Variants in PCBP3 observed in about 807,000 individuals in gnomAD.
The protein encoded by PCBP3 is poly(rC) binding protein 3, also known as poly(rC)-binding protein 3.
In PCBP3, 25 loss-of-function variants were observed where a neutral mutation model predicts 52.7. That is an observed-to-expected ratio of 0.47 (90% CI 0.35 to 0.66). The LOEUF (loss-of-function observed/expected upper bound fraction) is 0.66, where lower values mean the gene tolerates loss of function less well. PCBP3 is among the 30% of genes least tolerant of loss of function. The pLI, the probability that PCBP3 is intolerant of heterozygous loss-of-function variation, is 0.01. For synonymous variants in PCBP3, 162 were observed against 183.0 expected, an observed-to-expected ratio of 0.89 and a Z score of 0.93; for missense variants, 391 against 490.3, an observed-to-expected ratio of 0.80 and a Z score of 1.91.
At chr21:45,672,268 T>C (rs763247375) in intron 2 of PCBP3, among the ~76,000 whole-genome samples, 3 of 152,156 alleles carry the variant, frequency 2.0e-5, no homozygotes, top group Non-Finnish European at 4.4e-5. Flanking sequence ...TCCTTGACCT[T>C]AGACTTCTCA....
intron 5 of PCBP3, among the ~76,000 whole-genome samples, chr21:45,892,082 A>C (rs13048129): frequency 2.0e-5 from 3 of 152,004 alleles, no homozygotes; most frequent in East Asian, 1.9e-4. Context: ...AATGGAGTCC[A>C]CCCTCGGGAG....
chr21:45,935,143 C>T (rs906304430), intron 15 of PCBP3, 110 bp from the exon 16 acceptor site: 5 of 733,238 alleles, frequency 6.8e-6, no homozygotes, highest in Non-Finnish European at 1.2e-5. Flanking sequence ...CACACTTGGG[C>T]CAGCTCTACA....
chr21:45,786,224 C>G (rs1180996128), intron 4 of PCBP3, among the ~76,000 whole-genome samples: 1 of 150,860 alleles, frequency 6.6e-6, no homozygotes, highest in Non-Finnish European at 1.5e-5. Flanking sequence ...TGCCAGTGAG[C>G]TCTGCATAAC....
chr21:45,789,311 GGTGA>G (rs751691121), intron 4 of PCBP3, among the ~76,000 whole-genome samples: 30 of 152,340 alleles, frequency 2.0e-4, no homozygotes, highest in East Asian at 5.8e-4. Flanking sequence ...TGTGTGCGAG[GGTGA>G]GTGTGTGCAT....
chr21:45,815,928 GGTGAGTGAGT>G, intron 4 of PCBP3, among the ~76,000 whole-genome samples: 1 of 121,322 alleles, frequency 8.2e-6, no homozygotes, highest in East Asian at 2.7e-4. Flanking sequence ...ATGAGTGAGT[GGTGAGTGAGT>G]GGTGAGTGAT....
chr21:45,874,848 C>A (rs1233717984), intron 5 of PCBP3, among the ~76,000 whole-genome samples: 2 of 152,196 alleles, frequency 1.3e-5, no homozygotes, highest in African/African-American at 4.8e-5. Context: ...TTTCGCTGCC[C>A]GTGTCCCCTG....
chr21:45,888,689 T>C (rs2095580666), intron 5 of PCBP3, among the ~76,000 whole-genome samples: 1 of 152,284 alleles, frequency 6.6e-6, no homozygotes, highest in South Asian at 2.1e-4. Context: ...CTTAAATCCC[T>C]GGTGGGTTTT....
intron 1 of PCBP3, among the ~76,000 whole-genome samples, chr21:45,666,380 G>A (rs2080796440): frequency 7.1e-6 from 1 of 141,170 alleles, no homozygotes; most frequent in Non-Finnish European, 1.5e-5. Flanking sequence ...TAGGAGGAAA[G>A]GGTTACAAAC....
At position 45,736,819 on chromosome 21, in the gene PCBP3, G is replaced by T. The variant is rs115144163; in HGVS notation, c.-162+1390G>T. On this transcript the variant is annotated intron_variant, in intron 3 of 17. Transcript: ENST00000681687. This position sits in a 1 kb window ranked among gnomAD's most constrained non-coding sequence, Gnocchi z 4.6. ...CAGAATCCTGACATCCTTGTGGGGG[G>T]ATCGAAAACATAAATCTAGTCAGTG... 6.6e-6 allele frequency among the ~76,000 whole-genome samples: 1 copy of T among 152,192 alleles called. No individual in the cohort carries two copies. Among genetic ancestry groups the T allele is most frequent in the Non-Finnish European group, 1.5e-5 (1 of 68,038 alleles).
At chr21:45,764,671 C>G (rs2145606820) in intron 4 of PCBP3, among the ~76,000 whole-genome samples, 1 of 152,302 alleles carries the variant, frequency 6.6e-6, no homozygotes, top group African/African-American at 2.4e-5. Flanking sequence ...AGGAGTACAC[C>G]TGGGGTACAT....
chr21:45,730,635 G>A (rs2085385217), intron 2 of PCBP3, among the ~76,000 whole-genome samples: 1 of 152,154 alleles, frequency 6.6e-6, no homozygotes, highest in African/African-American at 2.4e-5. Flanking sequence ...AAAGAGAAGT[G>A]TAGAAAGCTT....
rs2086450718 is a variant in PCBP3, at chr21:45,741,556, G to A, written c.-162+6127G>A. Among the ~76,000 whole-genome samples, 2 of 152,140 alleles carry A rather than the reference G, an allele frequency of 1.3e-5. No individual in the cohort carries two copies. Among genetic ancestry groups the A allele is most frequent in the Non-Finnish European group, 2.9e-5 (2 of 68,026 alleles). ...AAAGAAATGCCAAAAGAGGCTAAGA[G>A]CTCAGGGAAGGATTGTGATGTAGGG... On this transcript the variant is annotated intron_variant, in intron 3 of 17. Transcript: ENST00000681687. The surrounding 1 kb of genome is among the most constrained non-coding windows in gnomAD (Gnocchi z 4.5).
intron 5 of PCBP3, among the ~76,000 whole-genome samples, chr21:45,857,729 G>T (rs529814519): frequency 1.3e-5 from 2 of 152,258 alleles, no homozygotes; most frequent in East Asian, 1.9e-4. Context: ...CTCACATTTG[G>T]CTCAGAGTAA....
chr21:45,908,294 G>A (rs1036834762), intron 9 of PCBP3, among the ~76,000 whole-genome samples: 3 of 152,108 alleles, frequency 2.0e-5, no homozygotes, highest in Non-Finnish European at 2.9e-5. Flanking sequence ...TTTAGTGTCC[G>A]TGCCTGTGCC....
chr21:45,865,854 GGT>G (rs938275636), intron 5 of PCBP3, among the ~76,000 whole-genome samples: 2 of 152,176 alleles, frequency 1.3e-5, no homozygotes, highest in African/African-American at 4.8e-5. Context: ...GCGGGCTCAG[GGT>G]GTGCACCCCC....
chr21:45,901,028 A>G lies in PCBP3; in HGVS notation c.254A>G (p.Asn85Ser). 1 of 1,613,938 alleles carries G rather than the reference A, an allele frequency of 6.2e-7. No individual in the cohort carries two copies. Among genetic ancestry groups the G allele is most frequent in the Non-Finnish European group, 8.5e-7 (1 of 1,179,828 alleles). The change falls in exon 9 of 18, where the codon AAC becomes AGC. Residue 85 changes from asparagine to serine, a missense_variant. Transcript: ENST00000681687. ...GCAAGGATCAACATCTCAGAGGGAAACTGCCCAGAGAGGATTGTGACCATC... is the reference window on the plus strand; with the variant it reads ...GCAAGGATCAACATCTCAGAGGGAAGCTGCCCAGAGAGGATTGTGACCATC... ...SGARINISEG[N>S]CPERIVTITG...
intron 4 of PCBP3, among the ~76,000 whole-genome samples, chr21:45,838,192 T>C (rs966834855): frequency 6.6e-6 from 1 of 152,226 alleles, no homozygotes; most frequent in East Asian, 1.9e-4. Context: ...GTGGATGTTA[T>C]ACACACAGTG....
chr21:45,694,137 G>A (rs1042823559), intron 2 of PCBP3, among the ~76,000 whole-genome samples: 2 of 151,922 alleles, frequency 1.3e-5, no homozygotes, highest in Non-Finnish European at 2.9e-5. Context: ...AACGAAGATG[G>A]GAAAGGGGAA....
intron 4 of PCBP3, among the ~76,000 whole-genome samples, chr21:45,825,265 T>C (rs891478221): frequency 6.6e-6 from 1 of 152,164 alleles, no homozygotes; most frequent in Non-Finnish European, 1.5e-5. Flanking sequence ...TAGATGACAT[T>C]CTCAGCGCCT....
Sources: allele counts gnomAD v4.1 joint callset (sites outside exome capture counted in the v4.1 genomes callset), GRCh38; gene constraint gnomAD v4.1.1; non-coding constraint Gnocchi (gnomAD v3.1); transcripts MANE v1.5; gene names NCBI Gene and HGNC (gene_info 2026-07-23, HGNC 2026-07-21).